TMPRSS12: variants seen among roughly 807,000 people sequenced by gnomAD.
TMPRSS12 encodes transmembrane protease serine 12.
Under a neutral mutation model 26.0 loss-of-function variants are expected in TMPRSS12, and 25 were observed. The ratio of observed to expected loss-of-function variants is 0.96; its 90% CI spans 0.70 to 1.34. The LOEUF (loss-of-function observed/expected upper bound fraction) is 1.34, where lower values mean the gene tolerates loss of function less well. Ranked by LOEUF, TMPRSS12 falls within the 40% of genes most tolerant of loss-of-function variation. TMPRSS12 has a pLI of 0.00. For synonymous variants in TMPRSS12, 150 were observed against 161.7 expected (o/e 0.93, Z 0.55); for missense variants, 441 against 440.1 (o/e 1.00, Z -0.02).
At chr12:50,848,093 T>TG (rs1215071122) in intron 2 of TMPRSS12, 2 of 151,776 alleles carry the variant, frequency 1.3e-5, no homozygotes, top group African/African-American at 4.8e-5. Context: ...GGTGATAACT[T>TG]TATGTTTTAA....
intron 2 of TMPRSS12, among the ~76,000 whole-genome samples, chr12:50,857,629 A>C (rs1937891025): frequency 6.6e-6 from 1 of 152,062 alleles, no homozygotes; most frequent in African/African-American, 2.4e-5. Context: ...TGATTGTTTC[A>C]ATTGTTTTGG....
At chr12:50,885,854 G>A (rs1232633021) in intron 4 of TMPRSS12, 4 of 200,888 alleles carry the variant, frequency 2.0e-5, no homozygotes, top group Non-Finnish European at 3.9e-5. Flanking sequence ...TTTCAGTAGA[G>A]ACAGGGCTTC....
Position 50,859,065 on chromosome 12 carries a change from C to A in TMPRSS12, c.652+12C>A. On this transcript the variant is annotated intron_variant, in intron 3 of 4. Coordinates refer to ENST00000398458, the MANE Select transcript of TMPRSS12 (RefSeq NM_182559.3). ...AACAAAAGAAGAAGGTAATTATGGT[C>A]TGAATTTTACTGATACACATTTTCC... is the stretch of plus-strand genomic sequence containing the variant. 2 of 1,547,630 alleles carry A rather than the reference C, an allele frequency of 1.3e-6. No individual in the cohort carries two copies. The highest frequency in any genetic ancestry group is 2.5e-5 in the South Asian group (2 of 78,554).
intron 3 of TMPRSS12, among the ~76,000 whole-genome samples, chr12:50,867,639 T>C (rs1938004042): frequency 2.0e-5 from 3 of 152,190 alleles, no homozygotes; most frequent in Admixed American, 2.0e-4. Flanking sequence ...TGAGAAATTC[T>C]TTGCAAAAAG....
At chr12:50,865,607 A>G (rs1371056523) in intron 3 of TMPRSS12, among the ~76,000 whole-genome samples, 1 of 152,152 alleles carries the variant, frequency 6.6e-6, no homozygotes, top group Non-Finnish European at 1.5e-5. Flanking sequence ...TTGATGAAAG[A>G]CATGAATCCA....
intron 3 of TMPRSS12, among the ~76,000 whole-genome samples, chr12:50,867,445 T>C (rs1220555682): frequency 6.6e-6 from 1 of 151,988 alleles, no homozygotes; most frequent in Non-Finnish European, 1.5e-5. Flanking sequence ...AATAAGAAAA[T>C]ATGAACAAAG....
At chr12:50,872,101 A>G (rs796932841) in intron 3 of TMPRSS12, among the ~76,000 whole-genome samples, 1 of 152,222 alleles carries the variant, frequency 6.6e-6, no homozygotes, top group African/African-American at 2.4e-5. Context: ...GTATCTACCC[A>G]GAAGAAAAGA....
chr12:50,850,956 C>T (rs1319564968), intron 2 of TMPRSS12, among the ~76,000 whole-genome samples: 2 of 152,152 alleles, frequency 1.3e-5, no homozygotes, highest in South Asian at 2.1e-4. Flanking sequence ...GTCTTGTCCC[C>T]CTAAAATCAC....
At chr12:50,844,152 C>T in intron 2 of TMPRSS12, 115 bp downstream of exon 2, 1 of 775,376 alleles carries the variant, frequency 1.3e-6, no homozygotes, top group South Asian at 2.1e-5. Flanking sequence ...AGCCATAATG[C>T]CTTATATATA....
At chr12:50,865,303 G>T (rs1184031312) in intron 3 of TMPRSS12, among the ~76,000 whole-genome samples, 2 of 152,136 alleles carry the variant, frequency 1.3e-5, no homozygotes, top group African/African-American at 2.4e-5. Context: ...TTGCACTCCA[G>T]CCTGGGCAAC....
In TMPRSS12 at chr12:50,863,194, T is replaced by G. The variant is rs573565427; in HGVS notation, c.652+4141T>G. Reference sequence around the variant, plus strand: ...TCCAGACAAAAAAAGGAAGCTGGAATGGAAAAAAGAGAAAGTAGGAATGGC... The same window carrying G: ...TCCAGACAAAAAAAGGAAGCTGGAAGGGAAAAAAGAGAAAGTAGGAATGGC... On this transcript the variant is annotated intron_variant, in intron 3 of 4. Coordinates refer to ENST00000398458, the MANE Select transcript of TMPRSS12 (RefSeq NM_182559.3). Among the ~76,000 whole-genome samples the G allele has an allele frequency of 5.3e-5, 8 of 151,390 alleles. No homozygotes were observed. In the South Asian group the frequency reaches 1.7e-3, roughly 32 times the overall value.
intron 2 of TMPRSS12, among the ~76,000 whole-genome samples, chr12:50,854,013 G>A (rs1444723429): frequency 2.6e-5 from 4 of 151,932 alleles, no homozygotes; most frequent in Non-Finnish European, 1.5e-5. Context: ...ACCTGCCAGA[G>A]ACACAATCTA....
chr12:50,883,244 T>C (rs1372465477), intron 3 of TMPRSS12, among the ~76,000 whole-genome samples: 2 of 152,088 alleles, frequency 1.3e-5, no homozygotes, highest in Non-Finnish European at 2.9e-5. Flanking sequence ...GGCAGAAGGA[T>C]CACATGAGCC....
intron 3 of TMPRSS12, among the ~76,000 whole-genome samples, chr12:50,871,395 T>A (rs1938041211): frequency 6.6e-6 from 1 of 152,150 alleles, no homozygotes; most frequent in South Asian, 2.1e-4. Context: ...GCAAGCCACA[T>A]GTAGGAGAAT....
At chr12:50,859,108 A>G (rs1177928861) in intron 3 of TMPRSS12, 55 bp downstream of exon 3, 11 of 1,464,216 alleles carry the variant, frequency 7.5e-6, no homozygotes, top group Non-Finnish European at 9.1e-7. Flanking sequence ...GGGCAGAGGA[A>G]GGTCAAACCT....
At chr12:50,877,273 G>A (rs1938121897) in intron 3 of TMPRSS12, among the ~76,000 whole-genome samples, 1 of 152,106 alleles carries the variant, frequency 6.6e-6, no homozygotes, top group Non-Finnish European at 1.5e-5. Context: ...CTGATAAAGA[G>A]CATCTATAAA....
At chr12:50,871,756 C>T (rs1938045062) in intron 3 of TMPRSS12, among the ~76,000 whole-genome samples, 1 of 151,652 alleles carries the variant, frequency 6.6e-6, no homozygotes, top group Non-Finnish European at 1.5e-5. Context: ...AAAAAAAATC[C>T]CATCAAAAAA....
At chr12:50,861,394 T>C (rs1359965803) in intron 3 of TMPRSS12, among the ~76,000 whole-genome samples, 1 of 152,188 alleles carries the variant, frequency 6.6e-6, no homozygotes, top group East Asian at 1.9e-4. Flanking sequence ...TTTTTCTTTT[T>C]TTTTTTTCCA....
rs1312633588 is a variant in TMPRSS12 at position 50,887,728 on chromosome 12, T to C, written c.*215T>C. 2.0e-6 allele frequency: 1 copy of C among 498,878 alleles called. No individual in the cohort carries two copies. Among genetic ancestry groups the C allele is most frequent in the African/African-American group, 2.0e-5 (1 of 50,782 alleles). The allele number at this position is 498,878 out of a possible 1,614,324, so 30.9% of individuals were successfully genotyped here. On this transcript the variant is annotated 3_prime_UTR_variant, in exon 5 of 5. Coordinates refer to ENST00000398458, the MANE Select transcript of TMPRSS12 (RefSeq NM_182559.3). The stretch of plus-strand genomic sequence containing the variant: ...AAATATCTTGATTATTTTATAATCA[T>C]AATTCTGTATCTGGAATACTCATAG...
Sources: gnomAD v4.1 joint callset for allele counts (sites outside exome capture counted in the v4.1 genomes callset) on GRCh38, gnomAD v4.1.1 for gene constraint, MANE v1.5 for transcripts, NCBI Gene and HGNC (gene_info 2026-07-23, HGNC 2026-07-21) for gene names.